Variants in SEMA3A observed in about 807,000 individuals in gnomAD.
SEMA3A encodes the protein semaphorin-3A.
In SEMA3A, 29 loss-of-function variants were observed where a neutral mutation model predicts 97.9. The observed-to-expected ratio is 0.30, with a 90% CI of 0.22 to 0.40. The LOEUF (loss-of-function observed/expected upper bound fraction) is 0.40, where lower values mean the gene tolerates loss of function less well. Among genes scored for constraint, SEMA3A ranks in the 10% least tolerant of loss-of-function variants. The pLI, the probability that SEMA3A is intolerant of heterozygous loss-of-function variation, is 1.00. For missense variants in SEMA3A, 763 were observed against 951.3 expected, an observed-to-expected ratio of 0.80 and a Z score of 2.60; for synonymous variants, 321 against 323.7, an observed-to-expected ratio of 0.99 and a Z score of 0.09.
chr7:84,474,838 A>G (rs1455314641), intron 1 of SEMA3A, among the ~76,000 whole-genome samples: 1 of 152,138 alleles, frequency 6.6e-6, no homozygotes, highest in African/African-American at 2.4e-5. Flanking sequence ...GTAGGAATAA[A>G]TGTTTATATT....
chr7:84,457,242 A>G (rs1805708186), intron 1 of SEMA3A, among the ~76,000 whole-genome samples: 1 of 151,512 alleles, frequency 6.6e-6, no homozygotes, highest in South Asian at 2.1e-4. Context: ...GCACAAATAT[A>G]CTCTTATTCA....
rs564134545 is a variant in SEMA3A, at chr7:84,331,921, C to T, written c.-168-24629G>A. Among the ~76,000 whole-genome samples the T allele has an allele frequency of 2.0e-5, 3 of 152,112 alleles. No individual in the cohort carries two copies. The South Asian group carries it at 6.2e-4, about 32-fold the overall frequency. On this transcript the variant is annotated intron_variant, in intron 2 of 3. Transcript: ENST00000424555. ...AACCCCACTGGCAATGAGGTATTTCCCTTTTATTAATGAAATGTTCTGGCA... is the reference window on the plus strand; with the variant it reads ...AACCCCACTGGCAATGAGGTATTTCTCTTTTATTAATGAAATGTTCTGGCA...
chr7:84,188,108 C>T (rs1355095606), intron 1 of SEMA3A, among the ~76,000 whole-genome samples: 1 of 152,032 alleles, frequency 6.6e-6, no homozygotes. Context: ...GCAAGGGAAA[C>T]CTGGAAATGC....
chr7:84,034,046 T>TG (rs1791857029), intron 6 of SEMA3A, among the ~76,000 whole-genome samples: 1 of 151,998 alleles, frequency 6.6e-6, no homozygotes, highest in African/African-American at 2.4e-5. Flanking sequence ...TTCCCTGGTG[T>TG]GATCTCAGCT....
chr7:84,357,887 G>T (rs754408252), intron 2 of SEMA3A, among the ~76,000 whole-genome samples: 2 of 151,906 alleles, frequency 1.3e-5, no homozygotes, highest in Admixed American at 6.6e-5. Context: ...TGATGGCCAG[G>T]GATGATGAGC....
intron 15 of SEMA3A, among the ~76,000 whole-genome samples, chr7:83,969,268 G>C (rs973749908): frequency 1.3e-5 from 2 of 151,956 alleles, no homozygotes; most frequent in African/African-American, 4.8e-5. Context: ...ATCCTTTATT[G>C]AGAATCCAAA....
At chr7:84,007,571 C>A in intron 9 of SEMA3A, 74 bp from the exon 10 acceptor site, 1 of 1,118,086 alleles carries the variant, frequency 8.9e-7, no homozygotes, top group South Asian at 3.0e-5. Flanking sequence ...ATACTGAGTT[C>A]TTACATTTTA....
intron 5 of SEMA3A, among the ~76,000 whole-genome samples, chr7:84,051,888 A>G (rs936257140): frequency 6.6e-6 from 1 of 150,426 alleles, no homozygotes; most frequent in Non-Finnish European, 1.5e-5. Flanking sequence ...ACGTCCCATC[A>G]ATACCTAATT....
At chr7:84,158,615 C>G (rs971695681) in intron 1 of SEMA3A, among the ~76,000 whole-genome samples, 1 of 152,166 alleles carries the variant, frequency 6.6e-6, no homozygotes, top group African/African-American at 2.4e-5. Context: ...CTCTTCCCAA[C>G]TAGATGATAA....
At chr7:84,434,928 T>C (rs543802907) in intron 1 of SEMA3A, among the ~76,000 whole-genome samples, 2 of 152,256 alleles carry the variant, frequency 1.3e-5, no homozygotes, top group African/African-American at 4.8e-5. Flanking sequence ...ACTGGAAACA[T>C]TCCCCTTGAG....
chr7:84,122,636 T>C (rs143082487), intron 3 of SEMA3A, among the ~76,000 whole-genome samples: 168 of 152,290 alleles, frequency 1.1e-3, no homozygotes, highest in Non-Finnish European at 1.9e-3. Context: ...ATGTCTAAAA[T>C]AAAATTTAAA....
At chr7:84,112,205 T>C (rs1435479151) in intron 3 of SEMA3A, among the ~76,000 whole-genome samples, 1 of 152,234 alleles carries the variant, frequency 6.6e-6, no homozygotes, top group African/African-American at 2.4e-5. Flanking sequence ...TCTGCTTTTA[T>C]ATAAAGATTA....
chr7:83,990,430 T>C (rs1232033671), intron 12 of SEMA3A, among the ~76,000 whole-genome samples: 1 of 145,872 alleles, frequency 6.9e-6, no homozygotes, highest in East Asian at 2.1e-4. Flanking sequence ...TAGGTTTTCT[T>C]CTAGGGTTTT....
At chr7:84,058,273 C>A (rs1328705507) in intron 5 of SEMA3A, among the ~76,000 whole-genome samples, 1 of 152,072 alleles carries the variant, frequency 6.6e-6, no homozygotes, top group Non-Finnish European at 1.5e-5. Flanking sequence ...ATAGGTTTTC[C>A]CAATGGCCAT....
chr7:84,265,395 G>A (rs778311500), intron 3 of SEMA3A, among the ~76,000 whole-genome samples: 48 of 148,676 alleles, frequency 3.2e-4, no homozygotes, highest in South Asian at 6.3e-4. Flanking sequence ...CTGTAACTGC[G>A]TTCTGCTTTC....
intron 1 of SEMA3A, among the ~76,000 whole-genome samples, chr7:84,156,703 T>G (rs1283320008): frequency 6.6e-6 from 1 of 152,126 alleles, no homozygotes. Context: ...GAAGACTATG[T>G]TTTTTTACCA....
chr7:84,333,874 G>GCCATGGTACGTTGTGTT (rs11276169), intron 2 of SEMA3A, among the ~76,000 whole-genome samples: 5 of 151,862 alleles, frequency 3.3e-5, no homozygotes, highest in Admixed American at 2.0e-4. Context: ...TTTTGAATTT[G>GCCATGGTACGTTGTGTT]CCATTGCCAG....
At chr7:84,400,155 G>T (rs1803861974) in intron 1 of SEMA3A, among the ~76,000 whole-genome samples, 1 of 152,152 alleles carries the variant, frequency 6.6e-6, no homozygotes, top group Non-Finnish European at 1.5e-5. Context: ...TTCTTGGAAG[G>T]CCTCTGAAGA....
intron 1 of SEMA3A, among the ~76,000 whole-genome samples, chr7:84,407,225 G>A (rs376541040): frequency 6.6e-6 from 1 of 152,096 alleles, no homozygotes; most frequent in Non-Finnish European, 1.5e-5. Context: ...AAATCAATGT[G>A]CAAAAATCAC....
Sources: allele counts gnomAD v4.1 joint callset (sites outside exome capture counted in the v4.1 genomes callset), GRCh38; gene constraint gnomAD v4.1.1; transcripts MANE v1.5; gene names NCBI Gene and HGNC (gene_info 2026-07-23, HGNC 2026-07-21).